LDLRAD4: variants seen among roughly 807,000 people sequenced by gnomAD.
LDLRAD4 encodes the protein low density lipoprotein receptor class A domain containing 4.
LDLRAD4 carries 5 observed loss-of-function variants against 17.0 expected under a neutral mutation model. That is an observed-to-expected ratio of 0.29 (90% CI 0.15 to 0.62). The LOEUF (loss-of-function observed/expected upper bound fraction) is 0.62, where lower values mean the gene tolerates loss of function less well. Ranked by LOEUF, LDLRAD4 falls within the 20% of genes least tolerant of loss-of-function variation. The pLI, the probability that LDLRAD4 is intolerant of heterozygous loss-of-function variation, is 0.84. For missense variants in LDLRAD4, 340 were observed against 424.7 expected (o/e 0.80, Z 1.75); for synonymous variants, 168 against 171.8 (o/e 0.98, Z 0.17).
intron 1 of LDLRAD4, among the ~76,000 whole-genome samples, chr18:13,297,164 G>C (rs1459622891): frequency 2.6e-5 from 4 of 152,182 alleles, no homozygotes; most frequent in Non-Finnish European, 5.9e-5. Flanking sequence ...TGCCCTCTTT[G>C]ATAAGAGAAG....
Position 13,230,717 on chromosome 18 carries a change from A to G in LDLRAD4, c.-467+11729A>G, listed in dbSNP as rs115669996. ...GTGTCATGGGTAGATGCTACTGCTT[A>G]CAGTGCCTGAAATTTCAAACTCAAA... On this transcript the variant is annotated intron_variant, in intron 1 of 5. Coordinates refer to the LDLRAD4 transcript ENST00000399848. Among the ~76,000 whole-genome samples the G allele has an allele frequency of 4.0e-3, 615 of 152,286 alleles. 2 individuals carry two copies. The highest frequency in any genetic ancestry group is 0.014 in the African/African-American group (569 of 41,538).
At chr18:13,646,820 G>A (rs1056382070) in exon 6 of LDLRAD4, 1 of 152,544 alleles carries the variant, frequency 6.6e-6, no homozygotes, top group Non-Finnish European at 1.5e-5. Context: ...GCTTAGTTCA[G>A]TTCTGCAGGG....
chr18:13,272,400 A>G (rs1380496585), intron 1 of LDLRAD4, among the ~76,000 whole-genome samples: 1 of 152,212 alleles, frequency 6.6e-6, no homozygotes, highest in African/African-American at 2.4e-5. Context: ...GGCCATCGCC[A>G]TTCCTTGTTC....
rs150488084 is a variant in LDLRAD4, at chr18:13,507,562, G to A, written c.181+69178G>A. ...ACCACATTTTCTTTATCCCCTCATT[G>A]GTCAGTGAGCACTTAGGTTGGCTCC... On this transcript the variant is annotated intron_variant, in intron 3 of 5. Coordinates refer to ENST00000359446, the Ensembl canonical transcript of LDLRAD4. Among the ~76,000 whole-genome samples, 60 of 152,232 alleles carry A rather than the reference G, an allele frequency of 3.9e-4. No individual in the cohort carries two copies. In the East Asian group the frequency reaches 0.011, roughly 27 times the overall value.
intron 3 of LDLRAD4, among the ~76,000 whole-genome samples, chr18:13,519,049 G>C (rs1390061178): frequency 6.6e-6 from 1 of 152,234 alleles, no homozygotes; most frequent in African/African-American, 2.4e-5. Flanking sequence ...TCTGCTAGCT[G>C]CAAGAGTGCA....
chr18:13,427,819 TA>T (rs1393676193), intron 2 of LDLRAD4, among the ~76,000 whole-genome samples: 1 of 152,212 alleles, frequency 6.6e-6, no homozygotes, highest in African/African-American at 2.4e-5. Flanking sequence ...AATAATATAT[TA>T]TTTCCTTCTT....
chr18:13,437,759 A>G (rs980129392), intron 2 of LDLRAD4, among the ~76,000 whole-genome samples: 1 of 152,248 alleles, frequency 6.6e-6, no homozygotes, highest in Non-Finnish European at 1.5e-5. Flanking sequence ...TTCTCACCAC[A>G]GGACAGTGGC....
chr18:13,275,837 C>T (rs540347254), upstream of LDLRAD4, among the ~76,000 whole-genome samples: 36 of 152,198 alleles, frequency 2.4e-4, no homozygotes, highest in East Asian at 9.6e-4. Flanking sequence ...GCCAGGATGA[C>T]GGGGATGTGG....
chr18:13,523,807 C>T (rs748573469), intron 3 of LDLRAD4, among the ~76,000 whole-genome samples: 13 of 152,208 alleles, frequency 8.5e-5, no homozygotes, highest in African/African-American at 3.1e-4. Context: ...CCTGGTGACA[C>T]GAACCTTTTG....
rs979418947 is a variant in LDLRAD4 at position 13,294,212 on chromosome 18, A to G, written c.-383+16024A>G. Among the ~76,000 whole-genome samples the G allele has an allele frequency of 5.3e-5, 8 of 152,262 alleles. No homozygotes were observed. In the East Asian group the frequency reaches 7.7e-4, roughly 15 times the overall value. On this transcript the variant is annotated intron_variant, in intron 1 of 5. Transcript: ENST00000359446. The stretch of plus-strand genomic sequence containing the variant: ...TGATTTAAGTTTAACTCTGTAAAGT[A>G]AGCTGAGAAGTGTGCATGGGAAGTG...
chr18:13,574,049 A>C (rs1245947218), intron 3 of LDLRAD4, among the ~76,000 whole-genome samples: 1 of 152,176 alleles, frequency 6.6e-6, no homozygotes, highest in South Asian at 2.1e-4. Context: ...TGGTGAAGAC[A>C]CTGAGGTGTA....
At chr18:13,226,732 A>AT (rs1292730442) in intron 1 of LDLRAD4, among the ~76,000 whole-genome samples, 3 of 151,282 alleles carry the variant, frequency 2.0e-5, no homozygotes, top group Admixed American at 2.0e-4. Context: ...ATAAAATAAA[A>AT]TAAAATAAAA....
intron 1 of LDLRAD4, among the ~76,000 whole-genome samples, chr18:13,251,831 A>T (rs1056658037): frequency 1.3e-5 from 2 of 152,200 alleles, no homozygotes; most frequent in African/African-American, 4.8e-5. Flanking sequence ...CATTTTAAGG[A>T]GATGATATTC....
chr18:13,323,639 T>C (rs143477825), intron 1 of LDLRAD4, among the ~76,000 whole-genome samples: 2 of 152,202 alleles, frequency 1.3e-5, no homozygotes, highest in Non-Finnish European at 2.9e-5. Flanking sequence ...ATGGAAATTA[T>C]GACAGATGTG....
chr18:13,652,166 A>C (rs1450109825), exon 6 of LDLRAD4: 3 of 152,246 alleles, frequency 2.0e-5, no homozygotes, highest in African/African-American at 7.2e-5. Context: ...GAGCATGAGA[A>C]TGTTCTAGAC....
At chr18:13,404,091 C>T (rs975556621) in intron 2 of LDLRAD4, among the ~76,000 whole-genome samples, 1 of 152,234 alleles carries the variant, frequency 6.6e-6, no homozygotes, top group Non-Finnish European at 1.5e-5. Flanking sequence ...CCATCTCTCC[C>T]TCCAGGCATA....
chr18:13,345,581 A>G (rs1475748385), intron 1 of LDLRAD4, among the ~76,000 whole-genome samples: 1 of 152,180 alleles, frequency 6.6e-6, no homozygotes, highest in Non-Finnish European at 1.5e-5. Flanking sequence ...TGGTATCAGG[A>G]TGATGCTGGC....
rs1213992933 is a variant in LDLRAD4, at chr18:13,622,232, G to A, written c.336+961G>A. On this transcript the variant is annotated intron_variant, in intron 4 of 5. Transcript: ENST00000359446. This position sits in a 1 kb window ranked among gnomAD's most constrained non-coding sequence, Gnocchi z 5.3. ...GTTTCCTGGGGTGGCCGCTGGCCCT[G>A]GGACCCCTCTCAGGAGTGCAGGCTC... is the stretch of plus-strand genomic sequence containing the variant. Among the ~76,000 whole-genome samples, 1 of 152,110 alleles carries A rather than the reference G, an allele frequency of 6.6e-6. No individual in the cohort carries two copies. The highest frequency in any genetic ancestry group is 1.5e-5 in the Non-Finnish European group (1 of 68,008).
At chr18:13,493,918 G>C (rs544229686) in intron 3 of LDLRAD4, among the ~76,000 whole-genome samples, 8 of 152,214 alleles carry the variant, frequency 5.3e-5, no homozygotes, top group Non-Finnish European at 8.8e-5. Context: ...CACCCAGGGG[G>C]TCCCCGCTTC....
Sources: allele counts gnomAD v4.1 joint callset (sites outside exome capture counted in the v4.1 genomes callset), GRCh38; gene constraint gnomAD v4.1.1; non-coding constraint Gnocchi (gnomAD v3.1); transcripts MANE v1.5; gene names NCBI Gene and HGNC (gene_info 2026-07-23, HGNC 2026-07-21).